The following DMRT3 variants were observed in gnomAD, a reference collection of about 807,000 sequenced individuals.
DMRT3 encodes the protein doublesex and mab-3 related transcription factor 3, also known as doublesex- and mab-3-related transcription factor 3.
DMRT3 carries 29 observed loss-of-function variants against 34.9 expected under a neutral mutation model. The observed-to-expected ratio is 0.83, with a 90% CI of 0.62 to 1.13. The LOEUF (loss-of-function observed/expected upper bound fraction) is 1.13. Among genes scored for constraint, DMRT3 ranks in the 50% most tolerant of loss-of-function variants. The pLI is 0.00. For synonymous variants in DMRT3, 350 were observed against 286.0 expected (o/e 1.22, Z -2.26); for missense variants, 772 against 629.1 (o/e 1.23, Z -2.43).
In DMRT3 at chr9:991,128, A is replaced by T. The variant is rs1820359496; in HGVS notation, c.*123A>T. The T allele has an allele frequency of 4.0e-6, 5 of 1,262,584 alleles. No homozygotes were observed. The African/African-American group carries it at 7.5e-5, about 19-fold the overall frequency. 78.2% of individuals were successfully genotyped at this position (1,262,584 alleles called of 1,614,324 possible). A position where few individuals can be genotyped will look rare whatever the true frequency, so the allele number is the denominator to read the frequency against. On this transcript the variant is annotated 3_prime_UTR_variant, in exon 2 of 2. Transcript: ENST00000190165. ...CTGTTTGACAAAGTGACTGTGCTTG[A>T]TTCTATACATTAGCAATAAAAACAT...
chr9:980,058 G>T (rs1474420734), intron 1 of DMRT3, among the ~76,000 whole-genome samples: 1 of 151,524 alleles, frequency 6.6e-6, no homozygotes, highest in Non-Finnish European at 1.5e-5. Flanking sequence ...GCGGGGCAAA[G>T]GACCTCTTTA....
At chr9:989,622 G>A (rs1469933606) in intron 1 of DMRT3, among the ~76,000 whole-genome samples, 1 of 152,132 alleles carries the variant, frequency 6.6e-6, no homozygotes, top group Non-Finnish European at 1.5e-5. Context: ...ATAACAGCTG[G>A]GGACCTTATT....
chr9:984,071 A>C (rs1255536821), intron 1 of DMRT3, among the ~76,000 whole-genome samples: 2 of 152,212 alleles, frequency 1.3e-5, no homozygotes, highest in Non-Finnish European at 2.9e-5. Context: ...AGATGAAGGT[A>C]AGAGAAAATG....
intron 1 of DMRT3, 50 bp from the exon 2 acceptor site, chr9:989,991 C>T (rs1350274509): frequency 1.9e-6 from 3 of 1,596,438 alleles, no homozygotes; most frequent in Non-Finnish European, 2.6e-6. Flanking sequence ...CACATCTGCT[C>T]CTCTTTATGC....
Position 990,259 on chromosome 9 carries a change from G to A in DMRT3, c.673G>A (p.Ala225Thr), listed in dbSNP as rs757538425. Reference sequence around the variant, plus strand: ...CCGCCCTGACAGCCCCAAGTGTCACGCGGAGCAGAATCACCTCCTGATTGA... The same window carrying A: ...CCGCCCTGACAGCCCCAAGTGTCACACGGAGCAGAATCACCTCCTGATTGA... ...ESRPDSPKCH[A>T]EQNHLLIEGP... The change falls in exon 2 of 2, where the codon GCG becomes ACG. Residue 225 changes from alanine (A) to threonine (T), a missense_variant. Ala to Thr is a moderately conservative substitution (Grantham distance 58). Coordinates refer to ENST00000190165, the MANE Select transcript of DMRT3 (RefSeq NM_021240.4). The A allele has an allele frequency of 5.0e-6, 8 of 1,613,824 alleles. No individual in the cohort carries two copies. The Admixed American group carries it at 5.0e-5, about 10-fold the overall frequency.
At chr9:986,604 T>G (rs1317798136) in intron 1 of DMRT3, among the ~76,000 whole-genome samples, 1 of 152,100 alleles carries the variant, frequency 6.6e-6, no homozygotes, top group Non-Finnish European at 1.5e-5. Context: ...TTAAAAATAG[T>G]TGAGCTGGCC....
Position 982,178 on chromosome 9 carries a change from C to A in DMRT3, c.454+4723C>A, listed in dbSNP as rs1820229112. 2.6e-5 allele frequency among the ~76,000 whole-genome samples: 4 copies of A among 152,366 alleles called. No homozygotes were observed. In the South Asian group the frequency reaches 8.3e-4, roughly 32 times the overall value. On this transcript the variant is annotated intron_variant, in intron 1 of 1. Transcript: ENST00000190165. ...TCCTCACCCAGCCCCAGTACCCACG[C>A]AGGGCACCCCTTGGCGGTGGGGTCG...
chr9:987,923 T>C (rs561381598), intron 1 of DMRT3, among the ~76,000 whole-genome samples: 1 of 152,344 alleles, frequency 6.6e-6, no homozygotes, highest in East Asian at 1.9e-4. Context: ...AAATGTTTAA[T>C]AATAGAGTAA....
chr9:986,907 T>G (rs964036519), intron 1 of DMRT3, among the ~76,000 whole-genome samples: 1 of 127,470 alleles, frequency 7.8e-6, no homozygotes, highest in Non-Finnish European at 1.7e-5. Flanking sequence ...AAAAAAAAAG[T>G]TGAGCTTTGA....
chr9:989,968 G>C (rs1034240145), intron 1 of DMRT3, 73 bp from the exon 2 acceptor site: 2 of 1,564,298 alleles, frequency 1.3e-6, no homozygotes, highest in East Asian at 2.2e-5. Context: ...CACGTGTACA[G>C]GTCTCTTCTG....
At chr9:986,796 C>T (rs773850873) in intron 1 of DMRT3, among the ~76,000 whole-genome samples, 11 of 150,502 alleles carry the variant, frequency 7.3e-5, no homozygotes, top group Non-Finnish European at 1.2e-4. Flanking sequence ...GAGGCTGACG[C>T]GGGAGAATCA....
At position 990,735 on chromosome 9, in the gene DMRT3, C is replaced by CT. The variant is rs759241893; in HGVS notation, c.1154dup (p.Leu385PhefsTer4). ...CTTTGGCGAGAAGCCAGTCGAGCCCCTTTTTGCCCAATGATGTCACCCTGT... is the reference window on the plus strand; with the variant it reads ...CTTTGGCGAGAAGCCAGTCGAGCCCCTTTTTTGCCCAATGATGTCACCCTGT... On this transcript the variant is annotated frameshift_variant, in exon 2 of 2. Coordinates refer to ENST00000190165, the MANE Select transcript of DMRT3 (RefSeq NM_021240.4). LOFTEE classifies it high-confidence loss of function. 6.2e-7 allele frequency: 1 copy of CT among 1,614,154 alleles called. No homozygotes were observed. Among genetic ancestry groups the CT allele is most frequent in the Non-Finnish European group, 8.5e-7 (1 of 1,180,030 alleles).
Position 990,734 on chromosome 9 carries a change from C to T in DMRT3, c.1148C>T (p.Pro383Leu), listed in dbSNP as rs1820351045. ...RNTLARSQSS[P>L]FLPNDVTLWN... is the part of the protein sequence containing the mutation. ...ACTTTGGCGAGAAGCCAGTCGAGCC[C>T]CTTTTTGCCCAATGATGTCACCCTG... Residue 383 changes from proline to leucine, a missense_variant, in exon 2 of 2, where the codon CCC (proline) becomes CTC (leucine). Physicochemically the swap from Pro to Leu is moderately conservative, Grantham distance 98 (BLOSUM62 -3). Coordinates refer to ENST00000190165, the MANE Select transcript of DMRT3 (RefSeq NM_021240.4). 1.2e-6 allele frequency: 2 copies of T among 1,614,156 alleles called. No individual in the cohort carries two copies. Among genetic ancestry groups the T allele is most frequent in the East Asian group, 2.2e-5 (1 of 44,872 alleles).
In DMRT3 at chr9:977,392, G is replaced by A; in HGVS notation, c.391G>A (p.Ala131Thr). 8.1e-7 allele frequency: 1 copy of A among 1,239,774 alleles called. No individual in the cohort carries two copies. Among genetic ancestry groups the A allele is most frequent in the Non-Finnish European group, 1.0e-6 (1 of 993,346 alleles). The allele number at this position is 1,239,774 out of a possible 1,614,324, so 76.8% of individuals were successfully genotyped here. Residue 131 changes from alanine to threonine, a missense_variant, in exon 1 of 2, where the codon GCC becomes ACC. By Grantham distance (58) the Ala-to-Thr change is moderately conservative (BLOSUM62 0). Transcript: ENST00000190165. ...PRPAAELAAA[A>T]ALRWTAEPQP... ...CCCTGCTGCCGAGTTGGCCGCGGCC[G>A]CCGCGCTGCGTTGGACTGCCGAGCC...
intron 1 of DMRT3, among the ~76,000 whole-genome samples, chr9:982,177 G>A (rs565260997): frequency 3.3e-5 from 5 of 152,268 alleles, no homozygotes; most frequent in Admixed American, 6.5e-5. Flanking sequence ...CAGTACCCAC[G>A]CAGGGCACCC....
intron 1 of DMRT3, among the ~76,000 whole-genome samples, chr9:986,550 A>G (rs1198970390): frequency 2.0e-5 from 3 of 152,114 alleles, no homozygotes; most frequent in East Asian, 1.9e-4. Context: ...GGGGCAGGGG[A>G]TGTACCTTTT....
rs1820345072 is a variant in DMRT3, at chr9:990,523, A to G, written c.937A>G (p.Ile313Val). The G allele has an allele frequency of 1.2e-6, 2 of 1,614,114 alleles. No individual in the cohort carries two copies. Among genetic ancestry groups the G allele is most frequent in the Non-Finnish European group, 1.7e-6 (2 of 1,180,022 alleles). ...TCTAGCGTTGCCCTCCAATGGGCACATCTTTGAACACACCTTGAGCTCCTA... is the reference window on the plus strand; with the variant it reads ...TCTAGCGTTGCCCTCCAATGGGCACGTCTTTGAACACACCTTGAGCTCCTA... ...ESLALPSNGH[I>V]FEHTLSSYPI... The change falls in exon 2 of 2, where the codon ATC becomes GTC. Residue 313 changes from isoleucine (I) to valine (V), a missense_variant. Ile to Val is a conservative substitution (Grantham distance 29, BLOSUM62 3). Transcript: ENST00000190165.
In DMRT3 at chr9:990,355, AAG is replaced by A; in HGVS notation, c.771_772del (p.Lys257AsnfsTer11). On this transcript the variant is annotated frameshift_variant, in exon 2 of 2. Coordinates refer to ENST00000190165, the MANE Select transcript of DMRT3 (RefSeq NM_021240.4). LOFTEE classifies it high-confidence loss of function. Reference sequence around the variant, plus strand: ...CAGACCGCCGCTTGAAGTGTTAAAAAAGATATTCCCCAACCAGAAGCCAACGG... The same window carrying A: ...CAGACCGCCGCTTGAAGTGTTAAAAAATATTCCCCAACCAGAAGCCAACGG... ...ANRPPLEVLK[K>X]IFPNQKPTVL... The A allele has an allele frequency of 1.9e-6, 3 of 1,613,962 alleles. No individual in the cohort carries two copies. Among genetic ancestry groups the A allele is most frequent in the Non-Finnish European group, 2.5e-6 (3 of 1,180,032 alleles).
chr9:991,148 A>G lies in DMRT3; in HGVS notation c.*143A>G. ...GCTTGATTCTATACATTAGCAATAA[A>G]AACATAACTTATTTAACTTCTTGCA... On this transcript the variant is annotated 3_prime_UTR_variant, in exon 2 of 2. Coordinates refer to ENST00000190165, the MANE Select transcript of DMRT3 (RefSeq NM_021240.4). 8.7e-7 allele frequency: 1 copy of G among 1,144,632 alleles called. No homozygotes were observed. Among genetic ancestry groups the G allele is most frequent in the Non-Finnish European group, 1.2e-6 (1 of 816,478 alleles). The allele number at this position is 1,144,632 out of a possible 1,614,324, so 70.9% of individuals were successfully genotyped here.
Sources: gnomAD v4.1 joint callset for allele counts (sites outside exome capture counted in the v4.1 genomes callset) on GRCh38, gnomAD v4.1.1 for gene constraint, MANE v1.5 for transcripts, NCBI Gene and HGNC (gene_info 2026-07-23, HGNC 2026-07-21) for gene names.